The following PCBP2 variants were observed in gnomAD, a reference collection of about 807,000 sequenced individuals.
The protein encoded by PCBP2 is poly(rC) binding protein 2, also known as poly(rC)-binding protein 2.
A neutral mutation model predicts 50.1 loss-of-function variants in PCBP2; 4 were observed. The observed-to-expected ratio is 0.08, with a 90% CI of 0.04 to 0.18. The LOEUF (loss-of-function observed/expected upper bound fraction) is 0.18, where lower values mean the gene tolerates loss of function less well. Ranked by LOEUF, PCBP2 falls within the 10% of genes least tolerant of loss-of-function variation. The probability of loss-of-function intolerance (pLI) is 1.00; values close to 1 mark genes in which losing one functional copy is unlikely to be tolerated. For missense variants in PCBP2, 161 were observed against 474.3 expected (o/e 0.34, Z 6.14); for synonymous variants, 179 against 168.0 (o/e 1.07, Z -0.51).
chr12:53,478,502 A>AT, intron 14 of PCBP2, among the ~76,000 whole-genome samples: 1 of 151,930 alleles, frequency 6.6e-6, no homozygotes, highest in East Asian at 1.9e-4. Context: ...TCAGTCTCAA[A>AT]AAAATAAATA....
intron 14 of PCBP2, chr12:53,475,150 C>T: frequency 2.2e-6 from 1 of 456,574 alleles, no homozygotes; most frequent in Non-Finnish European, 4.4e-6. Context: ...ACCACCACCA[C>T]CACCTCTGCC....
chr12:53,477,061 C>T lies in PCBP2; in HGVS notation c.1053-2345C>T, dbSNP rs545192527. Among the ~76,000 whole-genome samples, 12 of 152,238 alleles carry T rather than the reference C, an allele frequency of 7.9e-5. No homozygotes were observed. The East Asian group carries it at 9.7e-4, about 12-fold the overall frequency. On this transcript the variant is annotated intron_variant, in intron 14 of 14. Transcript: ENST00000546463. ...AAACCCTAGAGCTCCCCCATGTGGT[C>T]TTTTATCCTAGAGTACCTGACTCAG...
chr12:53,477,282 T>C (rs1942652932), intron 14 of PCBP2, among the ~76,000 whole-genome samples: 1 of 152,178 alleles, frequency 6.6e-6, no homozygotes, highest in Non-Finnish European at 1.5e-5. Flanking sequence ...CCTTCAGTTC[T>C]TACTGAACCC....
intron 6 of PCBP2, chr12:53,460,694 A>G (rs1941393126): frequency 4.0e-6 from 1 of 251,960 alleles, no homozygotes; most frequent in Non-Finnish European, 7.9e-6. Context: ...AAGGTGGGTG[A>G]TACTTGTGGG....
intron 14 of PCBP2, among the ~76,000 whole-genome samples, chr12:53,477,641 G>A (rs1251542210): frequency 7.7e-6 from 1 of 129,142 alleles, no homozygotes; most frequent in African/African-American, 2.9e-5. Flanking sequence ...ACTCCAGCCT[G>A]GGTGACAAAG....
At chr12:53,459,918 A>G in intron 6 of PCBP2, 1 of 447,240 alleles carries the variant, frequency 2.2e-6, no homozygotes. Flanking sequence ...CCACCACCAC[A>G]CCCAAATTTT....
chr12:53,462,549 C>A lies in PCBP2; in HGVS notation c.561C>A (p.Val187=). ...PYRPKPSSSP[V]IFAGGQDRYS... ...GGCCCAAGCCGTCCAGCTCTCCGGTCATCTTTGCAGGTGGTCAGGTAAGAA... is the reference window on the plus strand; with the variant it reads ...GGCCCAAGCCGTCCAGCTCTCCGGTAATCTTTGCAGGTGGTCAGGTAAGAA... Residue 187 remains valine (V), a synonymous_variant, in exon 8 of 15, where the codon GTC becomes GTA. Coordinates refer to ENST00000546463, the MANE Select transcript of PCBP2 (RefSeq NM_031989.5). The A allele has an allele frequency of 6.2e-7, 1 of 1,613,394 alleles. No individual in the cohort carries two copies. Among genetic ancestry groups the A allele is most frequent in the South Asian group, 1.1e-5 (1 of 90,996 alleles).
chr12:53,473,996 T>C (rs1942408593), intron 14 of PCBP2, among the ~76,000 whole-genome samples: 1 of 152,216 alleles, frequency 6.6e-6, no homozygotes, highest in African/African-American at 2.4e-5. Context: ...GTGGGCTCAA[T>C]TGTCCAGGCA....
chr12:53,471,716 G>T lies in PCBP2; in HGVS notation c.961G>T (p.Ala321Ser). The change falls in exon 14 of 15, where the codon GCG (alanine) becomes TCG (serine). Residue 321 changes from alanine (A) to serine (S), a missense_variant. Physicochemically the swap from Ala to Ser is moderately conservative, Grantham distance 99. Around this residue, in one of 7 missense-constraint regions of PCBP2, gnomAD observed 51 missense variants for 193.0 expected, o/e 0.26. Transcript: ENST00000546463. The stretch of plus-strand genomic sequence containing the variant: ...GATGTCTGGGGCGCAGATCAAAATT[G>T]CGAACCCAGTGGAAGGATCTACTGA... Reference protein sequence around the residue: ...RQMSGAQIKIANPVEGSTDRQ... With the variant: ...RQMSGAQIKISNPVEGSTDRQ... 1 of 1,613,984 alleles carries T rather than the reference G, an allele frequency of 6.2e-7. No homozygotes were observed. The highest frequency in any genetic ancestry group is 8.5e-7 in the Non-Finnish European group (1 of 1,180,020).
intron 5 of PCBP2, among the ~76,000 whole-genome samples, chr12:53,456,892 G>T (rs554313339): frequency 6.6e-6 from 1 of 151,972 alleles, no homozygotes; most frequent in East Asian, 1.9e-4. Flanking sequence ...TTGGTGGTTG[G>T]TACTTAATGG....
intron 6 of PCBP2, chr12:53,460,216 T>C (rs1425481499): frequency 9.3e-6 from 2 of 216,170 alleles, no homozygotes; most frequent in Non-Finnish European, 1.9e-5. Context: ...CATGGCTTAC[T>C]GCAACCTCGA....
At chr12:53,471,257 C>A (rs1011246398) in intron 13 of PCBP2, among the ~76,000 whole-genome samples, 1 of 150,716 alleles carries the variant, frequency 6.6e-6, no homozygotes, top group Non-Finnish European at 1.5e-5. Flanking sequence ...CTAGCCTGAG[C>A]AACATAGCGA....
chr12:53,470,596 GAC>G (rs1312007622), intron 13 of PCBP2, among the ~76,000 whole-genome samples: 3 of 150,802 alleles, frequency 2.0e-5, no homozygotes, highest in Non-Finnish European at 2.9e-5. Context: ...TTTTTGTAAA[GAC>G]AAGAGTTTCG....
In PCBP2 at chr12:53,460,381, G is replaced by A. The variant is rs184818931; in HGVS notation, c.376-634G>A. On this transcript the variant is annotated intron_variant, in intron 6 of 14. Transcript: ENST00000546463. ...GCTGGTCTCCAACTCCTGAGCTTCC[G>A]ATGATTCGACTGCCTTGGTCTCCCA... 2.1e-4 allele frequency: 85 copies of A among 402,756 alleles called. 1 individual carries two copies. Among genetic ancestry groups the A allele is most frequent in the South Asian group, 1.3e-3 (76 of 57,312 alleles). 24.9% of individuals were successfully genotyped at this position (402,756 alleles called of 1,614,324 possible).
intron 13 of PCBP2, among the ~76,000 whole-genome samples, chr12:53,469,601 CTG>C (rs1942061253): frequency 6.6e-6 from 1 of 152,004 alleles, no homozygotes; most frequent in Admixed American, 6.6e-5. Context: ...TGTTGCATCT[CTG>C]TAATCCCAGC....
intron 13 of PCBP2, among the ~76,000 whole-genome samples, chr12:53,470,478 C>T (rs1328164100): frequency 1.3e-5 from 2 of 150,674 alleles, no homozygotes; most frequent in East Asian, 3.9e-4. Flanking sequence ...GATCGTGGCT[C>T]ACTGCAGCCT....
chr12:53,479,737 A>G lies in PCBP2; in HGVS notation c.*295A>G, dbSNP rs1267179657. On this transcript the variant is annotated 3_prime_UTR_variant, in exon 15 of 15. Transcript: ENST00000546463. ...AAATGTAAGAGTGGAATATTAATAC[A>G]TTTCAGTTTAGTTCTGTAATGTCAG... 1 of 242,898 alleles carries G rather than the reference A, an allele frequency of 4.1e-6. No homozygotes were observed. Among genetic ancestry groups the G allele is most frequent in the Admixed American group, 6.1e-5 (1 of 16,262 alleles). The allele number at this position is 242,898 out of a possible 1,614,324, so 15.0% of individuals were successfully genotyped here.
chr12:53,468,314 T>C (rs1187141158), intron 12 of PCBP2: 1 of 198,010 alleles, frequency 5.1e-6, no homozygotes, highest in Non-Finnish European at 1.0e-5. Context: ...GGGATTAATC[T>C]GATACAGGTA....
chr12:53,474,982 C>T (rs1351450004), intron 14 of PCBP2: 1 of 456,800 alleles, frequency 2.2e-6, no homozygotes, highest in Admixed American at 2.3e-5. Flanking sequence ...TCCACCACCA[C>T]CCCCTCGCTC....
Sources: allele counts gnomAD v4.1 joint callset (sites outside exome capture counted in the v4.1 genomes callset), GRCh38; gene constraint gnomAD v4.1.1; regional missense constraint gnomAD v4.1.1; transcripts MANE v1.5; gene names NCBI Gene and HGNC (gene_info 2026-07-23, HGNC 2026-07-21).